JAZF1: variants seen among roughly 807,000 people sequenced by gnomAD.
The protein encoded by JAZF1 is JAZF zinc finger 1.
JAZF1 carries 8 observed loss-of-function variants against 26.4 expected under a neutral mutation model. The ratio of observed to expected loss-of-function variants is 0.30; its 90% CI spans 0.18 to 0.55. JAZF1 has a LOEUF of 0.55. Among genes scored for constraint, JAZF1 ranks in the 20% least tolerant of loss-of-function variants. JAZF1 has a pLI of 0.94. For missense variants in JAZF1, 199 were observed against 322.0 expected, an observed-to-expected ratio of 0.62 and a Z score of 2.92; for synonymous variants, 126 against 122.3, an observed-to-expected ratio of 1.03 and a Z score of -0.20.
chr7:28,074,116 T>C (rs1031417821), intron 1 of JAZF1, among the ~76,000 whole-genome samples: 4 of 152,238 alleles, frequency 2.6e-5, no homozygotes, highest in African/African-American at 9.6e-5. Flanking sequence ...TCTACCTATG[T>C]GTTCCTACTT....
At chr7:27,937,945 CT>C (rs964371769) in intron 2 of JAZF1, among the ~76,000 whole-genome samples, 270 of 152,206 alleles carry the variant, frequency 1.8e-3, no homozygotes, top group African/African-American at 6.4e-3. Context: ...TCTTTAGCAA[CT>C]TTTTTTTCTT....
intron 1 of JAZF1, among the ~76,000 whole-genome samples, chr7:28,000,056 G>A (rs1364467312): frequency 6.6e-6 from 1 of 152,194 alleles, no homozygotes; most frequent in East Asian, 1.9e-4. Flanking sequence ...ATTCACAGGT[G>A]AGGGCGGGAA....
rs1786043113 is a variant in JAZF1, at chr7:27,997,623, G to T, written c.116-5642C>A. ...TCTATTGCTCAGCTGGAGTGCAATG[G>T]TGGAATCAGACCATAGCTCACTGCA... is the stretch of plus-strand genomic sequence containing the variant. On this transcript the variant is annotated intron_variant, in intron 1 of 4. Coordinates refer to ENST00000283928, the MANE Select transcript of JAZF1 (RefSeq NM_175061.4). Among the ~76,000 whole-genome samples the T allele has an allele frequency of 2.0e-5, 3 of 152,268 alleles. No homozygotes were observed. The South Asian group carries it at 6.2e-4, about 32-fold the overall frequency.
chr7:28,022,542 C>T (rs1783023883), intron 1 of JAZF1, among the ~76,000 whole-genome samples: 1 of 152,092 alleles, frequency 6.6e-6, no homozygotes, highest in East Asian at 1.9e-4. Context: ...TCAAAAATAA[C>T]AGATGACTAC....
rs1190799461 is a variant in JAZF1, at chr7:27,895,429, T to G, written c.189-13A>C. 1.9e-6 allele frequency: 3 copies of G among 1,577,706 alleles called. No individual in the cohort carries two copies. The highest frequency in any genetic ancestry group is 1.7e-4 in the Middle Eastern group (1 of 5,848). On this transcript the variant is annotated splice_polypyrimidine_tract_variant and intron_variant, in intron 2 of 4. Coordinates refer to ENST00000283928, the MANE Select transcript of JAZF1 (RefSeq NM_175061.4). ...ATCTGTCATGAATCTGAAACAATAATGGAAGGTAAGGAACCTGGGCCATGT... is the reference window on the plus strand; with the variant it reads ...ATCTGTCATGAATCTGAAACAATAAGGGAAGGTAAGGAACCTGGGCCATGT...
In JAZF1 at chr7:27,833,750, CTGTT is replaced by C. The variant is rs568471728; in HGVS notation, c.556-778_556-775del. Reference sequence around the variant, plus strand: ...AGTTATCAAAATGCTTTCTAAATTTCTGTTTGTCGGTTTTGCTAGTTCACCAGCA... The same window carrying C: ...AGTTATCAAAATGCTTTCTAAATTTCTGTCGGTTTTGCTAGTTCACCAGCA... On this transcript the variant is annotated intron_variant, in intron 4 of 4. Coordinates refer to ENST00000283928, the MANE Select transcript of JAZF1 (RefSeq NM_175061.4). Among the ~76,000 whole-genome samples the C allele has an allele frequency of 1.1e-3, 168 of 152,118 alleles. 1 individual carries two copies. Among genetic ancestry groups the C allele is most frequent in the Non-Finnish European group, 1.5e-3 (100 of 68,012 alleles).
At chr7:28,075,399 T>TA (rs745620443) in intron 1 of JAZF1, among the ~76,000 whole-genome samples, 1 of 152,134 alleles carries the variant, frequency 6.6e-6, no homozygotes, top group Non-Finnish European at 1.5e-5. Flanking sequence ...CCCTAGAATA[T>TA]AAAAAGTATG....
chr7:28,044,798 C>T (rs1004129511), intron 1 of JAZF1, among the ~76,000 whole-genome samples: 4 of 152,166 alleles, frequency 2.6e-5, no homozygotes, highest in Admixed American at 1.3e-4. Context: ...GGTGTCTACA[C>T]ACCACCTAAT....
At chr7:28,114,797 A>G (rs1265722386) in intron 1 of JAZF1, among the ~76,000 whole-genome samples, 1 of 151,560 alleles carries the variant, frequency 6.6e-6, no homozygotes, top group Non-Finnish European at 1.5e-5. Flanking sequence ...AGAAAATGGG[A>G]CAGGGGAACT....
At chr7:27,851,810 T>C (rs930023200) in intron 3 of JAZF1, among the ~76,000 whole-genome samples, 2 of 152,216 alleles carry the variant, frequency 1.3e-5, no homozygotes, top group Non-Finnish European at 2.9e-5. Context: ...ATAATTTCCA[T>C]ATTAGCTTTG....
rs191167904 is a variant in JAZF1, at chr7:27,888,502, A to G, written c.385+6718T>C. Reference sequence around the variant, plus strand: ...GGAAGAGCTCACCTCAACTCCATTCAGATAGAGCTTCTAAATGCCAAGCAA... The same window carrying G: ...GGAAGAGCTCACCTCAACTCCATTCGGATAGAGCTTCTAAATGCCAAGCAA... On this transcript the variant is annotated intron_variant, in intron 3 of 4. Transcript: ENST00000283928. Among the ~76,000 whole-genome samples, 1,099 of 152,304 alleles carry G rather than the reference A, an allele frequency of 7.2e-3. 6 individuals are homozygous for G. Among genetic ancestry groups the G allele is most frequent in the Middle Eastern group, 0.014 (4 of 294 alleles).
chr7:28,100,322 T>C (rs1292143130), intron 1 of JAZF1, among the ~76,000 whole-genome samples: 1 of 152,230 alleles, frequency 6.6e-6, no homozygotes, highest in Non-Finnish European at 1.5e-5. Flanking sequence ...AGCATCTCTC[T>C]GAGCTCGCCT....
intron 4 of JAZF1, among the ~76,000 whole-genome samples, chr7:27,833,843 T>A (rs1782756579): frequency 1.3e-5 from 2 of 152,274 alleles, no homozygotes; most frequent in Middle Eastern, 6.8e-3. Context: ...CCACCAGTAA[T>A]CCTCATCCCA....
At chr7:28,132,956 G>A (rs1782820377) in intron 1 of JAZF1, among the ~76,000 whole-genome samples, 1 of 152,068 alleles carries the variant, frequency 6.6e-6, no homozygotes, top group Non-Finnish European at 1.5e-5. Context: ...GAACTTTCAA[G>A]AGAATTTGTG....
intron 1 of JAZF1, chr7:28,071,594 A>G (rs1157428192): frequency 6.4e-6 from 3 of 471,740 alleles, no homozygotes; most frequent in Non-Finnish European, 1.3e-5. Flanking sequence ...ATCTGCCAAG[A>G]TTTCAGTGAA....
chr7:27,877,646 C>T (rs1020375996), intron 3 of JAZF1, among the ~76,000 whole-genome samples: 1 of 152,162 alleles, frequency 6.6e-6, no homozygotes, highest in Non-Finnish European at 1.5e-5. Context: ...GCCTGTGCTC[C>T]CGAGTCTCAT....
At chr7:28,034,882 C>G (rs1783258224) in intron 1 of JAZF1, among the ~76,000 whole-genome samples, 1 of 152,110 alleles carries the variant, frequency 6.6e-6, no homozygotes, top group Non-Finnish European at 1.5e-5. Flanking sequence ...ATGCCATGGC[C>G]TCTGCAAACA....
chr7:28,046,222 GC>G (rs1284712232), intron 1 of JAZF1, among the ~76,000 whole-genome samples: 2 of 152,148 alleles, frequency 1.3e-5, no homozygotes, highest in African/African-American at 4.8e-5. Context: ...ACTACAAAAA[GC>G]CCCATTTTTA....
chr7:28,070,723 G>A (rs1306168119), intron 1 of JAZF1, among the ~76,000 whole-genome samples: 1 of 152,224 alleles, frequency 6.6e-6, no homozygotes, highest in African/African-American at 2.4e-5. Flanking sequence ...AGCACAGAGG[G>A]CCAGAGGTAG....
Sources: allele counts gnomAD v4.1 joint callset (sites outside exome capture counted in the v4.1 genomes callset), GRCh38; gene constraint gnomAD v4.1.1; transcripts MANE v1.5; gene names NCBI Gene and HGNC (gene_info 2026-07-23, HGNC 2026-07-21).